AFDN: variants seen among roughly 807,000 people sequenced by gnomAD.
AFDN encodes the protein afadin.
Under a neutral mutation model 216.6 loss-of-function variants are expected in AFDN, and 68 were observed. The ratio of observed to expected loss-of-function variants is 0.31; its 90% CI spans 0.26 to 0.38. The LOEUF (loss-of-function observed/expected upper bound fraction) is 0.38, where lower values mean the gene tolerates loss of function less well. Ranked by LOEUF, AFDN falls within the 10% of genes least tolerant of loss-of-function variation. AFDN has a pLI of 1.00. For synonymous variants in AFDN, 868 were observed against 853.7 expected (o/e 1.02, Z -0.29); for missense variants, 2,136 against 2,342.0 (o/e 0.91, Z 1.82).
At position 167,965,920 on chromosome 6, in the gene AFDN, C is replaced by T. The variant is rs749198212; in HGVS notation, c.5132C>T (p.Pro1711Leu). Reference protein sequence around the residue: ...PPSPSPAPGAPPPPPQRNASY... With the variant: ...PPSPSPAPGALPPPPQRNASY... The stretch of plus-strand genomic sequence containing the variant: ...TCCCCGTCCCCCGCGCCCGGCGCCC[C>T]TCCTCCCCCGCCTCAGCGAAACGCC... The change falls in exon 32 of 34, where the codon CCT becomes CTT. Residue 1711 changes from proline to leucine, a missense_variant. This residue lies in a region of AFDN where 981 missense variants were observed against 966.0 expected (regional missense o/e 1.02). Transcript: ENST00000683244. The T allele has an allele frequency of 5.8e-6, 9 of 1,550,254 alleles. No homozygotes were observed. In the South Asian group the frequency reaches 1.1e-4, roughly 18 times the overall value.
intron 23 of AFDN, among the ~76,000 whole-genome samples, chr6:167,937,211 G>T (rs1794120564): frequency 6.6e-6 from 1 of 152,186 alleles, no homozygotes; most frequent in Admixed American, 6.5e-5. Context: ...CGACCAAAAT[G>T]TGGATACCTG....
rs1270740692 is a variant in AFDN, at chr6:167,965,802, C to CGCA, written c.5016_5018dup (p.Arg1672_Arg1673insSer). On this transcript the variant is annotated inframe_insertion, in exon 32 of 34. Coordinates refer to ENST00000683244, the MANE Select transcript of AFDN (RefSeq NM_001386888.1). ...TTACAGCCGCCTGGAAGCCGAGAGG[C>CGCA]GCAGACAGCACGACGAGGCGGCGCG... The CGCA allele has an allele frequency of 1.3e-6, 2 of 1,568,988 alleles. No individual in the cohort carries two copies. Among genetic ancestry groups the CGCA allele is most frequent in the Non-Finnish European group, 1.7e-6 (2 of 1,158,468 alleles).
chr6:167,935,353 C>T (rs1241285527), intron 23 of AFDN, among the ~76,000 whole-genome samples: 2 of 152,160 alleles, frequency 1.3e-5, no homozygotes, highest in South Asian at 2.1e-4. Flanking sequence ...CCCTCTGATA[C>T]GCTGAAATTG....
At chr6:167,889,145 G>C (rs577829101) in intron 6 of AFDN, 70 bp from the exon 7 acceptor site, 3 of 973,322 alleles carry the variant, frequency 3.1e-6, no homozygotes, top group East Asian at 4.8e-5. Flanking sequence ...AGCAATAAAT[G>C]TGTTCTTTTA....
intron 5 of AFDN, among the ~76,000 whole-genome samples, chr6:167,878,973 C>T (rs1286204578): frequency 6.6e-6 from 1 of 152,214 alleles, no homozygotes; most frequent in Non-Finnish European, 1.5e-5. Flanking sequence ...TGTTCTTTCT[C>T]ACAACCTTAT....
At chr6:167,966,296 G>A (rs924349721) in intron 32 of AFDN, 1 of 1,472,724 alleles carries the variant, frequency 6.8e-7, no homozygotes, top group Non-Finnish European at 9.0e-7. Context: ...TGACAAATCA[G>A]CTCTCTTTGT....
intron 12 of AFDN, among the ~76,000 whole-genome samples, chr6:167,904,863 G>A (rs939913232): frequency 6.6e-6 from 1 of 152,122 alleles, no homozygotes; most frequent in African/African-American, 2.4e-5. Context: ...ATGTAAATTA[G>A]ATTCTAGTTA....
chr6:167,917,894 TACA>T, intron 20 of AFDN, among the ~76,000 whole-genome samples: 1 of 152,334 alleles, frequency 6.6e-6, no homozygotes, highest in Non-Finnish European at 1.5e-5. Context: ...GAATTACAGT[TACA>T]ACAACTGGGA....
In AFDN at chr6:167,951,182, G is replaced by T; in HGVS notation, c.3832-4G>T. On this transcript the variant is annotated splice_region_variant and splice_polypyrimidine_tract_variant and intron_variant, in intron 29 of 33. Transcript: ENST00000683244. The surrounding 1 kb of genome is among the most constrained non-coding windows in gnomAD (Gnocchi z 7.1). ...AAATATAATAATTCTTTTTCTTTTT[G>T]CAGCGTGTTACACGTTCCCAAGAAG... 2 of 1,519,732 alleles carry T rather than the reference G, an allele frequency of 1.3e-6. No homozygotes were observed. The highest frequency in any genetic ancestry group is 1.8e-6 in the Non-Finnish European group (2 of 1,135,174). 94.1% of individuals were successfully genotyped at this position (1,519,732 alleles called of 1,614,324 possible).
chr6:167,869,468 T>C (rs143406524), intron 2 of AFDN, among the ~76,000 whole-genome samples: 23 of 152,242 alleles, frequency 1.5e-4, no homozygotes, highest in African/African-American at 5.1e-4. Context: ...CAAAGAACAG[T>C]TGAAGGTTTG....
At chr6:167,833,773 A>G (rs1329847000) in intron 1 of AFDN, among the ~76,000 whole-genome samples, 2 of 152,178 alleles carry the variant, frequency 1.3e-5, no homozygotes, top group African/African-American at 4.8e-5. Context: ...GAGTAACAAT[A>G]TGGTCACTCT....
At chr6:167,843,585 C>T (rs1274888197) in intron 1 of AFDN, among the ~76,000 whole-genome samples, 2 of 152,154 alleles carry the variant, frequency 1.3e-5, no homozygotes, top group Non-Finnish European at 2.9e-5. Flanking sequence ...GAAAGTTGAT[C>T]GGTAAGGACA....
intron 1 of AFDN, among the ~76,000 whole-genome samples, chr6:167,850,364 A>G (rs1051964037): frequency 1.5e-4 from 23 of 152,172 alleles, no homozygotes; most frequent in Non-Finnish European, 1.9e-4. Context: ...TTCCTAATGC[A>G]GTACTTTGAA....
chr6:167,852,210 C>T (rs1782397567), intron 1 of AFDN, among the ~76,000 whole-genome samples: 1 of 152,132 alleles, frequency 6.6e-6, no homozygotes, highest in African/African-American at 2.4e-5. Context: ...TTCCCTATAT[C>T]TCTCAAGAAT....
chr6:167,956,738 C>A (rs1796558153), intron 30 of AFDN, among the ~76,000 whole-genome samples: 1 of 152,222 alleles, frequency 6.6e-6, no homozygotes, highest in African/African-American at 2.4e-5. Context: ...AGAAACCTCA[C>A]AGTCATGCAT....
At chr6:167,923,620 CTT>C (rs35743665) in intron 22 of AFDN, among the ~76,000 whole-genome samples, 6 of 111,958 alleles carry the variant, frequency 5.4e-5, no homozygotes, top group Non-Finnish European at 3.5e-5. Context: ...TACCCTAATA[CTT>C]TTTTTTTTTT....
At chr6:167,959,147 T>TA (rs1358166812) in intron 30 of AFDN, among the ~76,000 whole-genome samples, 3 of 152,242 alleles carry the variant, frequency 2.0e-5, no homozygotes, top group African/African-American at 7.2e-5. Flanking sequence ...ATTACGGTGT[T>TA]AAGTCTCTGC....
chr6:167,894,121 T>C (rs1787942665), intron 9 of AFDN, among the ~76,000 whole-genome samples: 2 of 152,156 alleles, frequency 1.3e-5, no homozygotes, highest in Non-Finnish European at 2.9e-5. Flanking sequence ...TTTGTGTCTT[T>C]ATTTTCCCAG....
At chr6:167,894,762 C>G (rs534070123) in intron 9 of AFDN, among the ~76,000 whole-genome samples, 1 of 152,236 alleles carries the variant, frequency 6.6e-6, no homozygotes, top group East Asian at 1.9e-4. Context: ...TCTGTCTCTC[C>G]CTTTCTCTGT....
Sources: allele counts gnomAD v4.1 joint callset (sites outside exome capture counted in the v4.1 genomes callset), GRCh38; gene constraint gnomAD v4.1.1; regional missense constraint gnomAD v4.1.1; non-coding constraint Gnocchi (gnomAD v3.1); transcripts MANE v1.5; gene names NCBI Gene and HGNC (gene_info 2026-07-23, HGNC 2026-07-21).